Variants in C16orf89 observed in about 807,000 individuals in gnomAD.
C16orf89 encodes chromosome 16 open reading frame 89.
A neutral mutation model predicts 41.5 loss-of-function variants in C16orf89; 57 were observed. That is an observed-to-expected ratio of 1.38 (90% CI 1.11 to 1.71). The LOEUF is 1.71. C16orf89 is among the 40% of genes most tolerant of loss of function. C16orf89 has a pLI of 0.00. For missense variants in C16orf89, 575 were observed against 445.9 expected, an observed-to-expected ratio of 1.29 and a Z score of -2.61; for synonymous variants, 223 against 190.6, an observed-to-expected ratio of 1.17 and a Z score of -1.40.
At chr16:5,055,724 C>CT in intron 5 of C16orf89, 1 of 1,469,374 alleles carries the variant, frequency 6.8e-7, no homozygotes, top group Non-Finnish European at 9.0e-7. Flanking sequence ...CTGGGGCAGC[C>CT]TTTGGGGGCA....
intron 4 of C16orf89, 73 bp downstream of exon 4, chr16:5,058,420 A>G: frequency 7.4e-7 from 1 of 1,352,240 alleles, no homozygotes; most frequent in Non-Finnish European, 1.0e-6. Context: ...GGCATGAGCC[A>G]CCACGTCCGG....
At chr16:5,055,190 G>T in intron 6 of C16orf89, 56 bp downstream of exon 6, 2 of 1,442,472 alleles carry the variant, frequency 1.4e-6, no homozygotes, top group Non-Finnish European at 1.9e-6. Context: ...TAGAAACTCA[G>T]AGCCACCCCC....
chr16:5,053,801 C>T (rs1254578362), intron 6 of C16orf89, among the ~76,000 whole-genome samples: 2 of 152,196 alleles, frequency 1.3e-5, no homozygotes, highest in African/African-American at 4.8e-5. Context: ...CCTGCCTTGG[C>T]CTCCCAAAGT....
intron 6 of C16orf89, among the ~76,000 whole-genome samples, chr16:5,051,532 T>A (rs1410670015): frequency 6.6e-6 from 1 of 151,972 alleles, no homozygotes; most frequent in East Asian, 1.9e-4. Flanking sequence ...TAAAAGACAC[T>A]GATGAAAGAA....
In C16orf89 at chr16:5,054,314, G is replaced by C. The variant is rs554967303; in HGVS notation, c.868+932C>G. 4.0e-4 allele frequency among the ~76,000 whole-genome samples: 61 copies of C among 152,182 alleles called. 1 individual carries two copies. The highest frequency in any genetic ancestry group is 4.0e-3 in the Admixed American group (61 of 15,276). ...AAATTGAGGCTGAGAGGGGTGAAGC[G>C]ACTTATTGCAAAGGGACCAGCTGTC... On this transcript the variant is annotated intron_variant, in intron 6 of 7. Coordinates refer to ENST00000472572, the MANE Select transcript of C16orf89 (RefSeq NM_001098514.3).
rs1458175855 is a variant in C16orf89 at position 5,065,828 on chromosome 16, G to C, written c.81C>G (p.Asp27Glu). 6.2e-7 allele frequency: 1 copy of C among 1,614,224 alleles called. No homozygotes were observed. The highest frequency in any genetic ancestry group is 8.5e-7 in the Non-Finnish European group (1 of 1,180,022). The change falls in exon 1 of 8, where the codon GAC (aspartate) becomes GAG (glutamate). Residue 27 changes from aspartate to glutamate, a missense_variant. By Grantham distance (45) the Asp-to-Glu change is conservative (BLOSUM62 2). Coordinates refer to ENST00000472572, the MANE Select transcript of C16orf89 (RefSeq NM_001098514.3). ...PLWSSSLPGLDTAESKATIAD... is the reference protein window; with the variant it reads ...PLWSSSLPGLETAESKATIAD... ...CAATGGTGGCTTTACTTTCAGCAGT[G>C]TCCAGCCCAGGCAGTGAGGAGGACC...
At chr16:5,045,158 T>C (rs1421385453) in intron 7 of C16orf89, among the ~76,000 whole-genome samples, 1 of 152,232 alleles carries the variant, frequency 6.6e-6, no homozygotes, top group African/African-American at 2.4e-5. Flanking sequence ...CCTGCTTCCC[T>C]GACTTACGTA....
rs375451039 is a variant in C16orf89 at position 5,058,545 on chromosome 16, C to G, written c.575G>C (p.Cys192Ser). The change falls in exon 4 of 8, where the codon TGC becomes TCC. Residue 192 changes from cysteine (C) to serine (S), a missense_variant. Cys to Ser is a moderately radical substitution (Grantham distance 112). Coordinates refer to ENST00000472572, the MANE Select transcript of C16orf89 (RefSeq NM_001098514.3). ...TTGGTGGGACAGGCAGTAGCCTGAG[C>G]AGCCGGGCTTGGTCATGAGGCTCCT... ...LCRSLMTKPG[C>S]SGYCLSHQLL... 6.2e-7 allele frequency: 1 copy of G among 1,612,716 alleles called. No individual in the cohort carries two copies. Among genetic ancestry groups the G allele is most frequent in the Non-Finnish European group, 8.5e-7 (1 of 1,179,920 alleles).
At position 5,062,482 on chromosome 16, in the gene C16orf89, C is replaced by T. The variant is rs753970153; in HGVS notation, c.301G>A (p.Ala101Thr). The stretch of plus-strand genomic sequence containing the variant: ...TAGTGGAGGGATCTCTGGATGGCAG[C>T]CTCCAGCTTCTCCCCCAGCATCCCC... The part of the protein sequence containing the change: ...RVGMLGEKLE[A>T]AIQRSLHYLK... Residue 101 changes from alanine (A) to threonine (T), a missense_variant, in exon 2 of 8, where the codon GCT becomes ACT. Physicochemically the swap from Ala to Thr is moderately conservative, Grantham distance 58 (BLOSUM62 0). Coordinates refer to ENST00000472572, the MANE Select transcript of C16orf89 (RefSeq NM_001098514.3). The T allele has an allele frequency of 3.1e-6, 5 of 1,614,090 alleles. No individual in the cohort carries two copies. In the East Asian group the frequency reaches 6.7e-5, roughly 22 times the overall value.
At chr16:5,064,481 C>G (rs1335975009) in intron 1 of C16orf89, among the ~76,000 whole-genome samples, 4 of 152,222 alleles carry the variant, frequency 2.6e-5, no homozygotes, top group African/African-American at 9.6e-5. Flanking sequence ...TGTGATACTC[C>G]CATCCACCAG....
At chr16:5,065,118 G>A (rs537819578) in intron 1 of C16orf89, among the ~76,000 whole-genome samples, 1 of 152,248 alleles carries the variant, frequency 6.6e-6, no homozygotes, top group African/African-American at 2.4e-5. Context: ...GTGCATGTGT[G>A]TGTGCGTGCG....
intron 5 of C16orf89, chr16:5,055,852 C>G: frequency 2.3e-6 from 3 of 1,304,286 alleles, no homozygotes; most frequent in Non-Finnish European, 3.2e-6. Context: ...TTGGGATAAA[C>G]TTATACTAAA....
chr16:5,049,169 A>C (rs140665936), intron 6 of C16orf89, among the ~76,000 whole-genome samples: 143 of 152,356 alleles, frequency 9.4e-4, no homozygotes, highest in African/African-American at 3.3e-3. Context: ...TAACAATTCA[A>C]AAAATATATG....
downstream of C16orf89, chr16:5,043,649 C>T (rs993159485): frequency 6.6e-6 from 1 of 152,174 alleles, no homozygotes; most frequent in Non-Finnish European, 1.5e-5. Context: ...TTCCAAGACC[C>T]TTCCTTCTCC....
chr16:5,053,276 A>G (rs1956430656), intron 6 of C16orf89, among the ~76,000 whole-genome samples: 1 of 152,084 alleles, frequency 6.6e-6, no homozygotes, highest in Non-Finnish European at 1.5e-5. Context: ...AGGCTGAGGC[A>G]GGAGAATCGC....
At chr16:5,060,687 A>G (rs1956599136) in intron 2 of C16orf89, among the ~76,000 whole-genome samples, 1 of 152,142 alleles carries the variant, frequency 6.6e-6, no homozygotes, top group Non-Finnish European at 1.5e-5. Flanking sequence ...ACTGCATCCC[A>G]TGGAAACCCC....
chr16:5,054,911 G>A (rs537435616), intron 6 of C16orf89, among the ~76,000 whole-genome samples: 1 of 152,278 alleles, frequency 6.6e-6, no homozygotes, highest in South Asian at 2.1e-4. Context: ...GTGCAACTGT[G>A]AGTCCATTAA....
Position 5,056,043 on chromosome 16 carries a change from C to T in C16orf89, c.763+10G>A, listed in dbSNP as rs1241683024. The T allele has an allele frequency of 6.3e-7, 1 of 1,584,112 alleles. No homozygotes were observed. The highest frequency in any genetic ancestry group is 1.7e-5 in the Admixed American group (1 of 58,982). ...GTTCCTTTGCCCCGGGGGCAGAATG[C>T]TGGCCATACTGTTTTCCATGAAGAT... is the stretch of plus-strand genomic sequence containing the variant. On this transcript the variant is annotated intron_variant, in intron 5 of 7. Coordinates refer to ENST00000472572, the MANE Select transcript of C16orf89 (RefSeq NM_001098514.3).
intron 7 of C16orf89, chr16:5,044,952 G>A (rs962950064): frequency 2.1e-5 from 25 of 1,204,200 alleles, no homozygotes; most frequent in East Asian, 7.5e-5. Flanking sequence ...GTGCTCTTCC[G>A]CCAGCTGCTA....
Sources: gnomAD v4.1 joint callset for allele counts (sites outside exome capture counted in the v4.1 genomes callset) on GRCh38, gnomAD v4.1.1 for gene constraint, MANE v1.5 for transcripts, NCBI Gene and HGNC (gene_info 2026-07-23, HGNC 2026-07-21) for gene names.